Variants in CDH4 observed in about 807,000 individuals in gnomAD.
CDH4 encodes cadherin 4.
Under a neutral mutation model 86.0 loss-of-function variants are expected in CDH4, and 33 were observed. That is an observed-to-expected ratio of 0.38 (90% CI 0.29 to 0.51). CDH4 has a LOEUF of 0.51. Among genes scored for constraint, CDH4 ranks in the 20% least tolerant of loss-of-function variants. CDH4 has a pLI of 0.86. For missense variants in CDH4, 1,114 were observed against 1,307.4 expected (o/e 0.85, Z 2.28); for synonymous variants, 555 against 549.4 (o/e 1.01, Z -0.14).
intron 4 of CDH4, among the ~76,000 whole-genome samples, chr20:61,839,291 A>AGT (rs1456749922): frequency 1.3e-5 from 2 of 150,900 alleles, no homozygotes; most frequent in African/African-American, 2.4e-5. Context: ...TGCATGGGGG[A>AGT]GTGTGTGTGT....
chr20:61,779,005 A>G (rs533691492), intron 4 of CDH4, among the ~76,000 whole-genome samples: 74 of 152,272 alleles, frequency 4.9e-4, no homozygotes, highest in African/African-American at 1.8e-3. Flanking sequence ...GAAGTTCACA[A>G]CCTGGTCCCT....
chr20:61,469,445 A>G (rs2085490264), intron 2 of CDH4, among the ~76,000 whole-genome samples: 1 of 152,164 alleles, frequency 6.6e-6, no homozygotes, highest in African/African-American at 2.4e-5. Context: ...AGCCCTTTAT[A>G]TATTCTGGTT....
chr20:61,882,616 C>T lies in CDH4; in HGVS notation c.1050+8716C>T, dbSNP rs368403654. Among the ~76,000 whole-genome samples the T allele has an allele frequency of 1.9e-4, 29 of 152,256 alleles. No homozygotes were observed. The South Asian group carries it at 4.6e-3, about 24-fold the overall frequency. ...CAGCCCCTCCCTCCCGGGGTTCCGA[C>T]GCCAGGCCCAGGATGCTCCCTGAGT... is the stretch of plus-strand genomic sequence containing the variant. On this transcript the variant is annotated intron_variant, in intron 7 of 15. Coordinates refer to ENST00000614565, the MANE Select transcript of CDH4 (RefSeq NM_001794.5).
In CDH4 at chr20:61,684,173, C is replaced by A. The variant is rs1236720616; in HGVS notation, c.170-59390C>A. ...CTCTGGATGCCAAACATTCTAGAAA[C>A]CCCCAAAGGAATAAATGCAGCCGTT... is the stretch of plus-strand genomic sequence containing the variant. On this transcript the variant is annotated intron_variant, in intron 2 of 15. Transcript: ENST00000614565. The surrounding 1 kb of genome is among the most constrained non-coding windows in gnomAD (Gnocchi z 4.5). Among the ~76,000 whole-genome samples the A allele has an allele frequency of 6.6e-6, 1 of 152,196 alleles. No individual in the cohort carries two copies. The highest frequency in any genetic ancestry group is 2.1e-4 in the South Asian group (1 of 4,828).
At chr20:61,895,485 G>A (rs897505541) in intron 8 of CDH4, among the ~76,000 whole-genome samples, 4 of 152,234 alleles carry the variant, frequency 2.6e-5, no homozygotes, top group Non-Finnish European at 1.5e-5. Flanking sequence ...GGTTGTGACT[G>A]GGCCCCATAC....
chr20:61,801,915 C>T (rs1979850960), intron 4 of CDH4, among the ~76,000 whole-genome samples: 1 of 152,216 alleles, frequency 6.6e-6, no homozygotes, highest in Admixed American at 6.5e-5. Context: ...CTCTCTTTTG[C>T]CATGGAAGGT....
intron 6 of CDH4, among the ~76,000 whole-genome samples, chr20:61,854,626 G>A (rs1982905083): frequency 6.7e-6 from 1 of 150,366 alleles, no homozygotes; most frequent in Non-Finnish European, 1.5e-5. Flanking sequence ...GTGTGAACAG[G>A]GTGAATTGCA....
chr20:61,257,143 A>C (rs2084102945), intron 2 of CDH4, among the ~76,000 whole-genome samples: 1 of 152,122 alleles, frequency 6.6e-6, no homozygotes, highest in African/African-American at 2.4e-5. Flanking sequence ...GCTTAACCTT[A>C]ATTTGACGAG....
intron 2 of CDH4, among the ~76,000 whole-genome samples, chr20:61,454,570 G>C (rs1372440426): frequency 3.3e-5 from 5 of 152,048 alleles, no homozygotes; most frequent in Non-Finnish European, 7.4e-5. Context: ...CTCAGCCTCC[G>C]GAGTAGCTGG....
intron 7 of CDH4, among the ~76,000 whole-genome samples, chr20:61,894,261 AG>A (rs1446258611): frequency 6.6e-6 from 1 of 152,212 alleles, no homozygotes; most frequent in African/African-American, 2.4e-5. Flanking sequence ...GGCCCTGAGG[AG>A]AAAGGCCATC....
chr20:61,917,179 G>A (rs1313711015), intron 9 of CDH4, among the ~76,000 whole-genome samples: 6 of 152,162 alleles, frequency 3.9e-5, no homozygotes, highest in Admixed American at 1.3e-4. Context: ...CATACCAGCC[G>A]GGGATGAGGA....
chr20:61,695,051 C>T (rs887856179), intron 2 of CDH4, among the ~76,000 whole-genome samples: 1 of 152,188 alleles, frequency 6.6e-6, no homozygotes, highest in African/African-American at 2.4e-5. Context: ...ATATGTGCAA[C>T]GTTTTCACTG....
At chr20:61,809,257 G>A (rs1483992436) in intron 4 of CDH4, among the ~76,000 whole-genome samples, 2 of 152,106 alleles carry the variant, frequency 1.3e-5, no homozygotes, top group African/African-American at 2.4e-5. Context: ...GATGGTCAGC[G>A]GCGGGATGAT....
rs962646406 is a variant in CDH4, at chr20:61,408,338, T to G, written c.169+153401T>G. On this transcript the variant is annotated intron_variant, in intron 2 of 15. Transcript: ENST00000614565. ...GAACAGATGGTGATGCGGTTTAACT[T>G]GGGGGGTGGTGTTGCCTGGGAATGG... 2.6e-5 allele frequency among the ~76,000 whole-genome samples: 4 copies of G among 152,000 alleles called. No individual in the cohort carries two copies. In the East Asian group the frequency reaches 7.8e-4, roughly 30 times the overall value.
chr20:61,304,557 G>A (rs757988730), intron 2 of CDH4, among the ~76,000 whole-genome samples: 2 of 151,940 alleles, frequency 1.3e-5, no homozygotes, highest in Non-Finnish European at 2.9e-5. Context: ...TGTTTTGTAT[G>A]TTTTGAACTC....
rs1245016330 is a variant in CDH4 at position 61,927,559 on chromosome 20, G to A, written c.1772-631G>A. On this transcript the variant is annotated intron_variant, in intron 11 of 15. Coordinates refer to ENST00000614565, the MANE Select transcript of CDH4 (RefSeq NM_001794.5). ...AGTTCTTCCACGCGATCATGCGTCTGGGCTCAGGGCTTCCAGCACCCTGGG... is the reference window on the plus strand; with the variant it reads ...AGTTCTTCCACGCGATCATGCGTCTAGGCTCAGGGCTTCCAGCACCCTGGG... Among the ~76,000 whole-genome samples the A allele has an allele frequency of 7.2e-5, 11 of 152,360 alleles. No individual in the cohort carries two copies. In the East Asian group the frequency reaches 2.1e-3, roughly 29 times the overall value.
intron 2 of CDH4, among the ~76,000 whole-genome samples, chr20:61,293,414 G>A (rs1166377281): frequency 6.6e-6 from 1 of 152,086 alleles, no homozygotes; most frequent in Non-Finnish European, 1.5e-5. Flanking sequence ...CTACAGCTCC[G>A]ACCCCTGGCT....
intron 6 of CDH4, among the ~76,000 whole-genome samples, chr20:61,862,160 A>C (rs1038161611): frequency 2.0e-5 from 3 of 152,118 alleles, no homozygotes; most frequent in Non-Finnish European, 4.4e-5. Context: ...TCCCCCAGGC[A>C]GCCCCCTCCA....
chr20:61,908,425 C>A (rs1425033140), intron 8 of CDH4, among the ~76,000 whole-genome samples: 2 of 152,184 alleles, frequency 1.3e-5, no homozygotes, highest in Admixed American at 1.3e-4. Context: ...GGGGCCTCCA[C>A]GCTCATGACA....
Sources: gnomAD v4.1 joint callset for allele counts (sites outside exome capture counted in the v4.1 genomes callset) on GRCh38, gnomAD v4.1.1 for gene constraint, Gnocchi (gnomAD v3.1) non-coding constraint, MANE v1.5 for transcripts, NCBI Gene and HGNC (gene_info 2026-07-23, HGNC 2026-07-21) for gene names.